Variants in CAP1 observed in about 807,000 individuals in gnomAD.
The protein encoded by CAP1 is cyclase associated actin cytoskeleton regulatory protein 1, also known as adenylyl cyclase-associated protein 1.
CAP1 carries 11 observed loss-of-function variants against 58.2 expected under a neutral mutation model. The ratio of observed to expected loss-of-function variants is 0.19; its 90% CI spans 0.12 to 0.31. The LOEUF is 0.31. Among genes scored for constraint, CAP1 ranks in the 10% least tolerant of loss-of-function variants. The pLI, the probability that CAP1 is intolerant of heterozygous loss-of-function variation, is 1.00. For synonymous variants in CAP1, 183 were observed against 213.8 expected (o/e 0.86, Z 1.26); for missense variants, 423 against 587.5 (o/e 0.72, Z 2.89).
chr1:40,041,234 A>G (rs560050077), intron 1 of CAP1, among the ~76,000 whole-genome samples: 1 of 152,340 alleles, frequency 6.6e-6, no homozygotes, highest in South Asian at 2.1e-4. Flanking sequence ...TTAGATAACC[A>G]GCCCCAGTTC....
Position 40,071,851 on chromosome 1 carries a change from A to G in CAP1, c.*318A>G. 4.4e-6 allele frequency: 2 copies of G among 459,004 alleles called. No homozygotes were observed. The highest frequency in any genetic ancestry group is 7.7e-6 in the Non-Finnish European group (2 of 259,490). 28.4% of individuals were successfully genotyped at this position (459,004 alleles called of 1,614,324 possible). ...GCTTTTGGGGGTTATTCTACCAACA[A>G]ACAGTCCATTGGAAAGAAAACAGTC... On this transcript the variant is annotated 3_prime_UTR_variant, in exon 13 of 13. Coordinates refer to ENST00000372805, the MANE Select transcript of CAP1 (RefSeq NM_006367.4).
At position 40,064,456 on chromosome 1, in the gene CAP1, C is replaced by A; in HGVS notation, c.439-18C>A. On this transcript the variant is annotated intron_variant, in intron 5 of 12. Coordinates refer to ENST00000372805, the MANE Select transcript of CAP1 (RefSeq NM_006367.4). The stretch of plus-strand genomic sequence containing the variant: ...AGTTGGAGAGGTCCTGAGTCACTGA[C>A]AGCTTGTCTCTCTCTAGGCTCCCAA... 1 of 1,611,430 alleles carries A rather than the reference C, an allele frequency of 6.2e-7. No individual in the cohort carries two copies. The highest frequency in any genetic ancestry group is 8.5e-7 in the Non-Finnish European group (1 of 1,177,546).
At chr1:40,071,114 G>A in intron 12 of CAP1, 135 bp downstream of exon 12, 2 of 845,086 alleles carry the variant, frequency 2.4e-6, no homozygotes, top group Non-Finnish European at 3.7e-6. Flanking sequence ...AAAGTACACA[G>A]AAATGAGGTA....
Position 40,068,248 on chromosome 1 carries a change from A to G in CAP1, c.808+531A>G, listed in dbSNP as rs564805453. Among the ~76,000 whole-genome samples, 34 of 152,296 alleles carry G rather than the reference A, an allele frequency of 2.2e-4. 1 individual carries two copies. The highest frequency in any genetic ancestry group is 3.4e-3 in the Middle Eastern group (1 of 294). ...TGTAAGAGAAATGGCTAACTACCAC[A>G]TGTCCTCTTGATGAAATGTTTTTTA... On this transcript the variant is annotated intron_variant, in intron 8 of 12. Transcript: ENST00000372805.
chr1:40,059,439 T>C lies in CAP1; in HGVS notation c.93T>C (p.Tyr31=), dbSNP rs35336518. The change falls in exon 2 of 13, where the codon TAT becomes TAC. Residue 31 remains tyrosine (Y), a synonymous_variant. Coordinates refer to ENST00000372805, the MANE Select transcript of CAP1 (RefSeq NM_006367.4). ...VSHTSDMHRG[Y]ADSPSKAGAA... is the part of the protein sequence containing the mutation. Reference sequence around the variant, plus strand: ...ATACCTCTGACATGCACCGTGGGTATGCAGACAGTCCTTCAAAAGGTAAGC... The same window carrying C: ...ATACCTCTGACATGCACCGTGGGTACGCAGACAGTCCTTCAAAAGGTAAGC... The C allele has an allele frequency of 3.9e-3, 6,325 of 1,607,522 alleles. 46 individuals are homozygous for C. Among genetic ancestry groups the C allele is most frequent in the African/African-American group, 0.03 (2,278 of 74,872 alleles).
chr1:40,056,769 C>T (rs542440359), intron 1 of CAP1, among the ~76,000 whole-genome samples: 13 of 152,106 alleles, frequency 8.5e-5, no homozygotes, highest in South Asian at 2.1e-4. Context: ...GAAGAATGTA[C>T]GTGTGTATAG....
At chr1:40,056,153 T>C (rs1646604222) in intron 1 of CAP1, among the ~76,000 whole-genome samples, 1 of 152,208 alleles carries the variant, frequency 6.6e-6, no homozygotes, top group Admixed American at 6.5e-5. Flanking sequence ...CACTATATAA[T>C]ACTGCCCAAC....
intron 1 of CAP1, among the ~76,000 whole-genome samples, chr1:40,051,927 A>C (rs1217247759): frequency 6.6e-6 from 1 of 152,162 alleles, no homozygotes; most frequent in Non-Finnish European, 1.5e-5. Flanking sequence ...TAACAAATAT[A>C]ATCTACAGTA....
At position 40,042,374 on chromosome 1, in the gene CAP1, A is replaced by G. The variant is rs143089854; in HGVS notation, c.-11+1573A>G. Among the ~76,000 whole-genome samples, 261 of 152,360 alleles carry G rather than the reference A, an allele frequency of 1.7e-3. 7 individuals are homozygous for G. The South Asian group carries it at 0.023, about 13-fold the overall frequency. ...GGAGAAATACCTGAGCCAGGTGCCC[A>G]GGGTTCCAGGAGGAAATGGGAGGCT... On this transcript the variant is annotated intron_variant, in intron 1 of 12. Transcript: ENST00000372805.
intron 8 of CAP1, 138 bp downstream of exon 8, chr1:40,067,855 C>T (rs1042905237): frequency 2.9e-5 from 17 of 580,626 alleles, no homozygotes; most frequent in Middle Eastern, 4.1e-4. Context: ...CTTTAAGGGA[C>T]GGCAAAGCTG....
intron 1 of CAP1, among the ~76,000 whole-genome samples, chr1:40,051,389 C>A (rs144522100): frequency 0.024 from 1,959 of 82,364 alleles, 25 homozygotes; most frequent in Non-Finnish European, 0.041. Context: ...GTCTCTATCA[C>A]ACACATACAC....
chr1:40,053,969 CTA>C (rs1646495825), intron 1 of CAP1, among the ~76,000 whole-genome samples: 1 of 152,092 alleles, frequency 6.6e-6, no homozygotes, highest in Admixed American at 6.6e-5. Context: ...TTGAAGATCT[CTA>C]TATCAGTGTG....
chr1:40,049,070 T>G (rs1273519511), intron 1 of CAP1, among the ~76,000 whole-genome samples: 2 of 152,098 alleles, frequency 1.3e-5, no homozygotes, highest in Non-Finnish European at 2.9e-5. Context: ...ATAACCTGGT[T>G]CCATTTACTT....
At position 40,069,778 on chromosome 1, in the gene CAP1, A is replaced by G; in HGVS notation, c.897A>G (p.Pro299=). 6.2e-7 allele frequency: 1 copy of G among 1,613,100 alleles called. No homozygotes were observed. The highest frequency in any genetic ancestry group is 1.1e-5 in the South Asian group (1 of 90,908). The change falls in exon 9 of 13, where the codon CCA becomes CCG. Residue 299 remains proline (P), a synonymous_variant. Transcript: ENST00000372805. ...QSGPVRSGPK[P]FSAPKPQTSP... ...GTCCAGTACGCAGTGGCCCCAAACCATTCTCTGCACCTAAACCCCAAACCA... is the reference window on the plus strand; with the variant it reads ...GTCCAGTACGCAGTGGCCCCAAACCGTTCTCTGCACCTAAACCCCAAACCA...
intron 1 of CAP1, among the ~76,000 whole-genome samples, chr1:40,053,792 A>T (rs1646489458): frequency 6.6e-6 from 1 of 152,312 alleles, no homozygotes; most frequent in East Asian, 1.9e-4. Flanking sequence ...CAGTTTCTTC[A>T]TTCTAAAAAT....
chr1:40,066,615 G>A (rs567189786), intron 7 of CAP1, among the ~76,000 whole-genome samples: 219 of 152,292 alleles, frequency 1.4e-3, no homozygotes, highest in African/African-American at 5.0e-3. Flanking sequence ...CCTTTAAGGA[G>A]CTTAAAAATA....
intron 10 of CAP1, 37 bp from the exon 11 acceptor site, chr1:40,070,388 CCTTTA>C (rs1308131558): frequency 1.4e-6 from 2 of 1,467,022 alleles, no homozygotes; most frequent in African/African-American, 5.3e-5. Flanking sequence ...ATATTACTTT[CCTTTA>C]AAGTTACACG....
intron 1 of CAP1, chr1:40,057,299 C>T (rs3131673): frequency 0.69 from 105,651 of 152,056 alleles, 36,971 homozygotes; most frequent in Non-Finnish European, 0.74. Context: ...CCTGGACTTA[C>T]AGTGTGGTGG....
At chr1:40,057,593 CAG>C (rs2124320108) in intron 1 of CAP1, 1 of 152,212 alleles carries the variant, frequency 6.6e-6, no homozygotes, top group East Asian at 1.9e-4. Context: ...AGCCTGTACA[CAG>C]AGAATGGACA....
Sources: allele counts gnomAD v4.1 joint callset (sites outside exome capture counted in the v4.1 genomes callset), GRCh38; gene constraint gnomAD v4.1.1; transcripts MANE v1.5; gene names NCBI Gene and HGNC (gene_info 2026-07-23, HGNC 2026-07-21).